The following CSMD1 variants were observed in gnomAD, a reference collection of about 807,000 sequenced individuals.
The protein encoded by CSMD1 is CUB and sushi domain-containing protein 1.
In CSMD1, 213 loss-of-function variants were observed where a neutral mutation model predicts 417.5. That is an observed-to-expected ratio of 0.51 (90% CI 0.46 to 0.57). The LOEUF is 0.57. CSMD1 is among the 20% of genes least tolerant of loss of function. The pLI is 0.00. For synonymous variants in CSMD1, 2,862 were observed against 1,736.8 expected (o/e 1.65, Z -16.11); for missense variants, 6,923 against 4,529.7 (o/e 1.53, Z -15.17).
intron 5 of CSMD1, among the ~76,000 whole-genome samples, chr8:3,905,226 T>G (rs1808037376): frequency 6.6e-6 from 1 of 152,160 alleles, no homozygotes; most frequent in African/African-American, 2.4e-5. Context: ...CATAATATAA[T>G]TTTTCAAACA....
chr8:3,376,749 C>G (rs556712613), intron 18 of CSMD1, among the ~76,000 whole-genome samples: 4 of 151,960 alleles, frequency 2.6e-5, no homozygotes, highest in African/African-American at 7.2e-5. Flanking sequence ...CCAGCACAGA[C>G]ACTGAGTTTA....
At chr8:3,275,973 G>A (rs1802258287) in intron 26 of CSMD1, among the ~76,000 whole-genome samples, 1 of 152,196 alleles carries the variant, frequency 6.6e-6, no homozygotes, top group Admixed American at 6.5e-5. Context: ...TGCTGGTGAG[G>A]AACTGTGTTC....
chr8:4,430,774 C>G (rs534328667), intron 2 of CSMD1, among the ~76,000 whole-genome samples: 1 of 152,094 alleles, frequency 6.6e-6, no homozygotes, highest in Non-Finnish European at 1.5e-5. Flanking sequence ...ACAATCAAAC[C>G]ATTTACAAAT....
chr8:4,234,690 T>C (rs1285268789), intron 3 of CSMD1, among the ~76,000 whole-genome samples: 2 of 152,140 alleles, frequency 1.3e-5, no homozygotes, highest in Non-Finnish European at 2.9e-5. Context: ...TGTTAATGAA[T>C]GAATGGTGTG....
intron 3 of CSMD1, among the ~76,000 whole-genome samples, chr8:4,255,267 T>C (rs943818346): frequency 1.3e-5 from 2 of 152,188 alleles, no homozygotes; most frequent in Non-Finnish European, 2.9e-5. Flanking sequence ...AATATTTTCT[T>C]TATCATACTC....
At chr8:4,187,019 T>A (rs1584983645) in intron 3 of CSMD1, among the ~76,000 whole-genome samples, 1 of 152,136 alleles carries the variant, frequency 6.6e-6, no homozygotes, top group Non-Finnish European at 1.5e-5. Flanking sequence ...CAAGTGTTCT[T>A]CTTCCTTTAT....
intron 5 of CSMD1, among the ~76,000 whole-genome samples, chr8:3,825,456 G>C (rs1802002282): frequency 6.6e-6 from 1 of 152,116 alleles, no homozygotes; most frequent in African/African-American, 2.4e-5. Context: ...TTGAACCTGG[G>C]AAGTGGAAGT....
intron 2 of CSMD1, among the ~76,000 whole-genome samples, chr8:4,463,444 G>C (rs1409186146): frequency 1.3e-5 from 2 of 152,100 alleles, no homozygotes; most frequent in Non-Finnish European, 2.9e-5. Context: ...ATGTGTCCAC[G>C]TAAAAATTTG....
intron 1 of CSMD1, among the ~76,000 whole-genome samples, chr8:4,945,423 G>A (rs80196946): frequency 0.03 from 4,560 of 151,516 alleles, 70 homozygotes; most frequent in Middle Eastern, 0.078. Context: ...TATTTTTACC[G>A]CAATTTAAAA....
At chr8:4,674,068 C>G (rs933376747) in intron 1 of CSMD1, among the ~76,000 whole-genome samples, 4 of 152,144 alleles carry the variant, frequency 2.6e-5, no homozygotes, top group Admixed American at 2.0e-4. Context: ...TAAATGGAGA[C>G]TTTCTCACTT....
chr8:4,047,760 T>G (rs1393849779), intron 3 of CSMD1, among the ~76,000 whole-genome samples: 1 of 152,074 alleles, frequency 6.6e-6, no homozygotes, highest in Non-Finnish European at 1.5e-5. Flanking sequence ...AATGGTATTT[T>G]TTTGATAGGA....
chr8:4,737,044 T>C (rs984953909), intron 1 of CSMD1, among the ~76,000 whole-genome samples: 6 of 152,296 alleles, frequency 3.9e-5, no homozygotes, highest in South Asian at 2.1e-4. Context: ...TGTAAGTTTA[T>C]TGCAGCATGA....
At chr8:4,070,570 G>C (rs374969419) in intron 3 of CSMD1, among the ~76,000 whole-genome samples, 1 of 152,034 alleles carries the variant, frequency 6.6e-6, no homozygotes, top group South Asian at 2.1e-4. Context: ...TGTTAGCCAG[G>C]ATGGTCTCGT....
At chr8:4,010,585 C>G (rs928479088) in intron 4 of CSMD1, among the ~76,000 whole-genome samples, 27 of 150,748 alleles carry the variant, frequency 1.8e-4, no homozygotes, top group African/African-American at 6.1e-4. Context: ...CAGCTGCAGT[C>G]TGACTACATT....
intron 10 of CSMD1, among the ~76,000 whole-genome samples, chr8:3,512,346 C>G (rs765583524): frequency 6.6e-6 from 1 of 152,314 alleles, no homozygotes; most frequent in African/African-American, 2.4e-5. Context: ...AGCCTCTCCC[C>G]TAATACAGAC....
In CSMD1 at chr8:3,963,240, T is replaced by C. The variant is rs554851517; in HGVS notation, c.818+34663A>G. On this transcript the variant is annotated intron_variant, in intron 5 of 69. Transcript: ENST00000635120. ...AGCCACCGCACCCGGCCTCAGTGTTTTGAATATTGTAATTGTAATAATTAC... is the reference window on the plus strand; with the variant it reads ...AGCCACCGCACCCGGCCTCAGTGTTCTGAATATTGTAATTGTAATAATTAC... 2.0e-5 allele frequency among the ~76,000 whole-genome samples: 3 copies of C among 152,280 alleles called. No homozygotes were observed. In the East Asian group the frequency reaches 5.8e-4, roughly 29 times the overall value.
chr8:3,346,524 A>T (rs73503791), intron 22 of CSMD1, among the ~76,000 whole-genome samples: 14 of 152,178 alleles, frequency 9.2e-5, no homozygotes, highest in African/African-American at 2.4e-4. Flanking sequence ...GTGAGATTTC[A>T]AAAGACTATT....
intron 26 of CSMD1, among the ~76,000 whole-genome samples, chr8:3,276,835 G>T (rs995728250): frequency 6.6e-6 from 1 of 152,078 alleles, no homozygotes; most frequent in Non-Finnish European, 1.5e-5. Context: ...CTAATTAGCA[G>T]ACACTTGTTG....
chr8:3,969,491 T>TC (rs1375856609), intron 5 of CSMD1, among the ~76,000 whole-genome samples: 1 of 152,180 alleles, frequency 6.6e-6, no homozygotes, highest in Non-Finnish European at 1.5e-5. Flanking sequence ...GTGTTTTTTT[T>TC]CCCCTTTCCC....
Sources: allele counts gnomAD v4.1 joint callset (sites outside exome capture counted in the v4.1 genomes callset), GRCh38; gene constraint gnomAD v4.1.1; transcripts MANE v1.5; gene names NCBI Gene and HGNC (gene_info 2026-07-23, HGNC 2026-07-21).